MACROD2: variants seen among roughly 807,000 people sequenced by gnomAD.
MACROD2 encodes the protein ADP-ribose glycohydrolase MACROD2.
MACROD2 carries 36 observed loss-of-function variants against 70.4 expected under a neutral mutation model. That is an observed-to-expected ratio of 0.51 (90% CI 0.39 to 0.68). The LOEUF is 0.68. MACROD2 is among the 30% of genes least tolerant of loss of function. MACROD2 has a pLI of 0.00. For missense variants in MACROD2, 496 were observed against 538.4 expected (o/e 0.92, Z 0.78); for synonymous variants, 172 against 178.8 (o/e 0.96, Z 0.30).
chr20:14,281,738 C>T (rs1474584225), intron 3 of MACROD2, among the ~76,000 whole-genome samples: 1 of 151,660 alleles, frequency 6.6e-6, no homozygotes, highest in Non-Finnish European at 1.5e-5. Flanking sequence ...AGTTAGAGAC[C>T]AGCCTGACCA....
intron 4 of MACROD2, among the ~76,000 whole-genome samples, chr20:14,595,426 CTG>C (rs1352127108): frequency 1.3e-5 from 2 of 152,206 alleles, no homozygotes; most frequent in Admixed American, 1.3e-4. Flanking sequence ...ACGCGAACTT[CTG>C]TGGCTCCATC....
chr20:15,566,599 G>A (rs1002637798), intron 8 of MACROD2, among the ~76,000 whole-genome samples: 66 of 151,940 alleles, frequency 4.3e-4, no homozygotes, highest in African/African-American at 1.4e-3. Context: ...AGTCTCATAC[G>A]TTCCCTTCTA....
At chr20:15,513,739 C>T (rs2047531690) in intron 8 of MACROD2, among the ~76,000 whole-genome samples, 1 of 152,166 alleles carries the variant, frequency 6.6e-6, no homozygotes, top group Non-Finnish European at 1.5e-5. Flanking sequence ...AGCTTTTTGG[C>T]CTACCCATAA....
chr20:14,892,069 T>C (rs1190578933), intron 5 of MACROD2, among the ~76,000 whole-genome samples: 3 of 152,212 alleles, frequency 2.0e-5, no homozygotes, highest in African/African-American at 7.2e-5. Flanking sequence ...CTCTCCTGGA[T>C]TGAAGGTTTC....
At chr20:14,781,743 A>G (rs898469977) in intron 5 of MACROD2, among the ~76,000 whole-genome samples, 5 of 151,934 alleles carry the variant, frequency 3.3e-5, no homozygotes, top group African/African-American at 4.8e-5. Context: ...ACCCATATCA[A>G]GGAGCTTCTT....
At chr20:14,932,003 T>TA (rs11483683) in intron 5 of MACROD2, among the ~76,000 whole-genome samples, 16,903 of 135,058 alleles carry the variant, frequency 0.13, 1,216 homozygotes, top group Non-Finnish European at 0.16. Context: ...CCCTGTTTCT[T>TA]AAAAAAAAAA....
chr20:15,747,699 T>G (rs2051204762), intron 8 of MACROD2, among the ~76,000 whole-genome samples: 1 of 152,154 alleles, frequency 6.6e-6, no homozygotes, highest in Admixed American at 6.6e-5. Flanking sequence ...TTTTTTTTTG[T>G]CAATTCTCAG....
chr20:15,824,384 T>G (rs1476018602), intron 8 of MACROD2, among the ~76,000 whole-genome samples: 1 of 152,226 alleles, frequency 6.6e-6, no homozygotes, highest in East Asian at 1.9e-4. Context: ...CCAGTGTATA[T>G]TTCATTGGAA....
intron 5 of MACROD2, among the ~76,000 whole-genome samples, chr20:14,955,249 T>G (rs1317890607): frequency 7.2e-6 from 1 of 138,438 alleles, no homozygotes; most frequent in Admixed American, 7.8e-5. Flanking sequence ...TTATATATAA[T>G]TTATATAATA....
At chr20:15,099,453 T>C (rs572982265) in intron 5 of MACROD2, among the ~76,000 whole-genome samples, 37 of 152,274 alleles carry the variant, frequency 2.4e-4, no homozygotes, top group African/African-American at 8.2e-4. Flanking sequence ...AAGCTGACTG[T>C]CTATAAGTCA....
intron 6 of MACROD2, among the ~76,000 whole-genome samples, chr20:15,286,594 A>T (rs184146507): frequency 6.6e-6 from 1 of 151,042 alleles, no homozygotes; most frequent in East Asian, 1.9e-4. Flanking sequence ...GACGAGGGCT[A>T]CAAAGATATA....
At chr20:15,062,043 C>A (rs2075536685) in intron 5 of MACROD2, among the ~76,000 whole-genome samples, 1 of 152,200 alleles carries the variant, frequency 6.6e-6, no homozygotes, top group Non-Finnish European at 1.5e-5. Flanking sequence ...GCAGATACTG[C>A]AGCCTTGGGC....
At chr20:15,998,790 T>C (rs2066668673) in intron 15 of MACROD2, among the ~76,000 whole-genome samples, 1 of 152,008 alleles carries the variant, frequency 6.6e-6, no homozygotes, top group Non-Finnish European at 1.5e-5. Flanking sequence ...GGTCTCAACC[T>C]CCTGATCTCG....
At chr20:15,515,867 CCTTTAT>C (rs767063998) in intron 8 of MACROD2, among the ~76,000 whole-genome samples, 3 of 152,172 alleles carry the variant, frequency 2.0e-5, no homozygotes, top group Non-Finnish European at 4.4e-5. Context: ...CCTGCTCTTT[CCTTTAT>C]CTTGGACAGA....
intron 3 of MACROD2, among the ~76,000 whole-genome samples, chr20:14,360,468 C>A (rs1349836575): frequency 6.6e-6 from 1 of 152,086 alleles, no homozygotes; most frequent in African/African-American, 2.4e-5. Context: ...TGATACATTT[C>A]AGGTTCATTG....
chr20:15,166,281 A>G (rs1255726661), intron 5 of MACROD2, among the ~76,000 whole-genome samples: 1 of 152,196 alleles, frequency 6.6e-6, no homozygotes, highest in Non-Finnish European at 1.5e-5. Context: ...TTAGGAATTA[A>G]AGCCTTTGGG....
At chr20:14,141,420 G>A (rs975386002) in intron 3 of MACROD2, among the ~76,000 whole-genome samples, 1 of 152,108 alleles carries the variant, frequency 6.6e-6, no homozygotes, top group Non-Finnish European at 1.5e-5. Flanking sequence ...ATCTATAAAA[G>A]GAGATACACC....
intron 7 of MACROD2, among the ~76,000 whole-genome samples, chr20:15,481,098 T>C (rs547858792): frequency 6.6e-6 from 1 of 152,366 alleles, no homozygotes; most frequent in South Asian, 2.1e-4. Context: ...GTATTTAATA[T>C]TTAATCATAC....
At chr20:15,351,905 CAT>C (rs2078231494) in intron 6 of MACROD2, among the ~76,000 whole-genome samples, 1 of 152,180 alleles carries the variant, frequency 6.6e-6, no homozygotes, top group South Asian at 2.1e-4. Flanking sequence ...TCTCAAATAA[CAT>C]GTGGCTTCAG....
Sources: allele counts gnomAD v4.1 joint callset (sites outside exome capture counted in the v4.1 genomes callset), GRCh38; gene constraint gnomAD v4.1.1; transcripts MANE v1.5; gene names NCBI Gene and HGNC (gene_info 2026-07-23, HGNC 2026-07-21).